EPC2: variants seen among roughly 807,000 people sequenced by gnomAD.
EPC2 encodes the protein enhancer of polycomb homolog 2.
In EPC2, 14 loss-of-function variants were observed where a neutral mutation model predicts 92.1. That is an observed-to-expected ratio of 0.15 (90% confidence interval 0.10 to 0.24). The LOEUF (loss-of-function observed/expected upper bound fraction) is 0.24, where lower values mean the gene tolerates loss of function less well. Ranked by LOEUF, EPC2 falls within the 10% of genes least tolerant of loss-of-function variation. The pLI is 1.00. For synonymous variants in EPC2, 340 were observed against 334.7 expected (o/e 1.02, Z -0.17); for missense variants, 755 against 971.5 (o/e 0.78, Z 2.96).
intron 6 of EPC2, among the ~76,000 whole-genome samples, chr2:148,764,441 A>C (rs1683369621): frequency 6.6e-6 from 1 of 152,178 alleles, no homozygotes; most frequent in African/African-American, 2.4e-5. Flanking sequence ...GTTACTGTTC[A>C]GTTGCTGCAG....
chr2:148,779,554 G>A (rs1339078776), intron 10 of EPC2, among the ~76,000 whole-genome samples: 1 of 152,152 alleles, frequency 6.6e-6, no homozygotes, highest in Non-Finnish European at 1.5e-5. Flanking sequence ...CTGCCCTCTA[G>A]CCTGGGCAAT....
chr2:148,761,380 G>T (rs570164866), intron 4 of EPC2, among the ~76,000 whole-genome samples: 5 of 152,304 alleles, frequency 3.3e-5, no homozygotes, highest in African/African-American at 1.2e-4. Flanking sequence ...TGGATGAATG[G>T]ATGAGGGGAC....
chr2:148,714,391 A>G (rs1682215974), intron 2 of EPC2, among the ~76,000 whole-genome samples: 1 of 152,106 alleles, frequency 6.6e-6, no homozygotes, highest in South Asian at 2.1e-4. Flanking sequence ...ATGTATCTTT[A>G]TAATAGAATG....
chr2:148,754,266 C>A, intron 4 of EPC2, 133 bp downstream of exon 4: 2 of 755,836 alleles, frequency 2.6e-6, no homozygotes, highest in Non-Finnish European at 4.2e-6. Flanking sequence ...AGAAATCCTA[C>A]TTTTCGTCTG....
At chr2:148,647,107 C>G (rs1286988256) in intron 1 of EPC2, among the ~76,000 whole-genome samples, 1 of 151,794 alleles carries the variant, frequency 6.6e-6, no homozygotes, top group Non-Finnish European at 1.5e-5. Flanking sequence ...GAGACTCCGT[C>G]CCCCCCAACA....
At position 148,781,633 on chromosome 2, in the gene EPC2, T is replaced by C; in HGVS notation, c.1721-11T>C. The C allele has an allele frequency of 6.2e-7, 1 of 1,605,970 alleles. No individual in the cohort carries two copies. The highest frequency in any genetic ancestry group is 8.5e-7 in the Non-Finnish European group (1 of 1,176,636). ...AACGTACTCATTTCCAAAATTCATGTTCTTTACCAGTAACAGGGGGTATCA... is the reference window on the plus strand; with the variant it reads ...AACGTACTCATTTCCAAAATTCATGCTCTTTACCAGTAACAGGGGGTATCA... On this transcript the variant is annotated splice_polypyrimidine_tract_variant and intron_variant, in intron 10 of 13. Transcript: ENST00000258484.
rs1683775788 is a variant in EPC2 at position 148,782,557 on chromosome 2, A to C, written c.1857+777A>C. ...GTCTCCAAAAAAAACAAAAAAAATT[A>C]ATTAAAATTTTTTAAAATGAAGAAG... On this transcript the variant is annotated intron_variant, in intron 11 of 13. Coordinates refer to ENST00000258484, the MANE Select transcript of EPC2 (RefSeq NM_015630.4). Among the ~76,000 whole-genome samples the C allele has an allele frequency of 3.9e-5, 6 of 152,154 alleles. No homozygotes were observed. The South Asian group carries it at 1.2e-3, about 32-fold the overall frequency.
At chr2:148,776,374 G>A (rs1345821033) in intron 10 of EPC2, among the ~76,000 whole-genome samples, 1 of 152,110 alleles carries the variant, frequency 6.6e-6, no homozygotes, top group Non-Finnish European at 1.5e-5. Context: ...AGTTTAAATG[G>A]ATTTTTAGTC....
chr2:148,734,220 T>C (rs914038840), intron 2 of EPC2, among the ~76,000 whole-genome samples: 2 of 152,130 alleles, frequency 1.3e-5, no homozygotes, highest in Non-Finnish European at 2.9e-5. Context: ...ATTTGAAATG[T>C]TTCCCCATTG....
intron 2 of EPC2, among the ~76,000 whole-genome samples, chr2:148,691,179 C>CT (rs1365086642): frequency 6.6e-6 from 1 of 152,186 alleles, no homozygotes; most frequent in Non-Finnish European, 1.5e-5. Context: ...GTTATATTTA[C>CT]TGTCCTGTAT....
At chr2:148,693,942 T>A (rs1681690312) in intron 2 of EPC2, among the ~76,000 whole-genome samples, 1 of 152,196 alleles carries the variant, frequency 6.6e-6, no homozygotes, top group Non-Finnish European at 1.5e-5. Flanking sequence ...GTTGTGATTG[T>A]TTGCCCTCTG....
chr2:148,657,377 A>G (rs10497038), intron 1 of EPC2, among the ~76,000 whole-genome samples: 1 of 151,976 alleles, frequency 6.6e-6, no homozygotes, highest in African/African-American at 2.4e-5. Flanking sequence ...AAGGCTTTCA[A>G]AATACCTCCC....
At chr2:148,656,733 T>C (rs373087632) in intron 1 of EPC2, among the ~76,000 whole-genome samples, 4 of 152,230 alleles carry the variant, frequency 2.6e-5, no homozygotes, top group East Asian at 3.8e-4. Context: ...CTATGTGCTT[T>C]AGACGCAGAA....
chr2:148,726,471 A>G (rs989582643), intron 2 of EPC2, among the ~76,000 whole-genome samples: 2 of 152,108 alleles, frequency 1.3e-5, no homozygotes, highest in Non-Finnish European at 2.9e-5. Context: ...CAACATGTGT[A>G]ATTTTCTGTT....
rs781285422 is a variant in EPC2, at chr2:148,765,044, G to A, written c.1038G>A (p.Leu346=). The change falls in exon 7 of 14, where the codon TTG becomes TTA. Residue 346 remains leucine (L), a synonymous_variant. Transcript: ENST00000258484. ...CAAAGAAGCCTAAAGCAGAGGCTTT[G>A]ATAACATCTCAGCAACCCACTCCTG... ...KYPKKPKAEA[L]ITSQQPTPET... 6.2e-7 allele frequency: 1 copy of A among 1,609,688 alleles called. No individual in the cohort carries two copies. Among genetic ancestry groups the A allele is most frequent in the South Asian group, 1.1e-5 (1 of 90,432 alleles).
At chr2:148,762,213 C>G in intron 5 of EPC2, 1 of 215,858 alleles carries the variant, frequency 4.6e-6, no homozygotes, top group Non-Finnish European at 9.0e-6. Flanking sequence ...CTCTAGTGAT[C>G]ATATTGTTTA....
At chr2:148,690,446 T>C in intron 2 of EPC2, 73 bp downstream of exon 2, 1 of 1,378,516 alleles carries the variant, frequency 7.3e-7, no homozygotes, top group Non-Finnish European at 9.7e-7. Flanking sequence ...TTCTTTTGTC[T>C]AAAGAAATTC....
At chr2:148,711,467 C>G (rs116417017) in intron 2 of EPC2, among the ~76,000 whole-genome samples, 5 of 152,056 alleles carry the variant, frequency 3.3e-5, no homozygotes, top group Non-Finnish European at 5.9e-5. Context: ...CATTTCTACT[C>G]TCATAAAATT....
chr2:148,705,017 T>C (rs577612107), intron 2 of EPC2, among the ~76,000 whole-genome samples: 1 of 152,238 alleles, frequency 6.6e-6, no homozygotes, highest in East Asian at 1.9e-4. Context: ...TCATATTTTA[T>C]TTATTCCTCA....
Sources: allele counts gnomAD v4.1 joint callset (sites outside exome capture counted in the v4.1 genomes callset), GRCh38; gene constraint gnomAD v4.1.1; transcripts MANE v1.5; gene names NCBI Gene and HGNC (gene_info 2026-07-23, HGNC 2026-07-21).